The following ELP1 variants were observed in gnomAD, a reference collection of about 807,000 sequenced individuals.
ELP1 encodes the protein elongator acetyltransferase complex subunit 1.
ELP1 carries 131 observed loss-of-function variants against 183.2 expected under a neutral mutation model. That is an observed-to-expected ratio of 0.72 (90% CI 0.62 to 0.83). ELP1 has a LOEUF of 0.83. Among genes scored for constraint, ELP1 ranks in the 40% least tolerant of loss-of-function variants. The pLI, the probability that ELP1 is intolerant of heterozygous loss-of-function variation, is 0.00. For synonymous variants in ELP1, 555 were observed against 569.0 expected, an observed-to-expected ratio of 0.98 and a Z score of 0.35; for missense variants, 1,550 against 1,594.9, an observed-to-expected ratio of 0.97 and a Z score of 0.48.
Position 108,882,148 on chromosome 9 carries a change from C to A in ELP1, c.3262G>T (p.Ala1088Ser), listed in dbSNP as rs763526417. 6 of 1,613,664 alleles carry A rather than the reference C, an allele frequency of 3.7e-6. No individual in the cohort carries two copies. Among genetic ancestry groups the A allele is most frequent in the East Asian group, 2.2e-5 (1 of 44,862 alleles). Reference protein sequence around the residue: ...EAVLLLLEGAAWEEALRLVYK... With the variant: ...EAVLLLLEGASWEEALRLVYK... ...ACCAGCCTCAAAGCTTCTTCCCAGG[C>A]AGCTCCTTCTAACAGCAAGAGCACA... Residue 1088 changes from alanine to serine, a missense_variant, in exon 30 of 37, where the codon GCC (alanine) becomes TCC (serine). By Grantham distance (99) the Ala-to-Ser change is moderately conservative (BLOSUM62 1). Transcript: ENST00000374647.
At chr9:108,922,685 C>A (rs1408777347) in intron 6 of ELP1, among the ~76,000 whole-genome samples, 157 bp downstream of exon 6, 1 of 152,162 alleles carries the variant, frequency 6.6e-6, no homozygotes, top group African/African-American at 2.4e-5. Context: ...AAGGATCTTT[C>A]TAGAGGGATT....
At chr9:108,930,005 C>T in intron 2 of ELP1, 84 bp from the exon 3 acceptor site, 2 of 1,462,752 alleles carry the variant, frequency 1.4e-6, no homozygotes, top group Non-Finnish European at 1.9e-6. Flanking sequence ...CTTTTTAATG[C>T]TTCTTTTATT....
chr9:108,908,366 C>G lies in ELP1; in HGVS notation c.1399G>C (p.Ala467Pro), dbSNP rs1269246218. 3 of 1,614,050 alleles carry G rather than the reference C, an allele frequency of 1.9e-6. No homozygotes were observed. The highest frequency in any genetic ancestry group is 2.5e-6 in the Non-Finnish European group (3 of 1,180,016). ...ACTTTAAATCCACTTCCACCCACAG[C>G]TCCCAGTTTCACTGTAGGGTCAGCA... ...PSADPTVKLG[A>P]VGGSGFKVCL... Residue 467 changes from alanine to proline, a missense_variant, in exon 13 of 37, where the codon GCT becomes CCT. By Grantham distance (27) the Ala-to-Pro change is conservative. Transcript: ENST00000374647.
At chr9:108,933,582 C>A (rs1228019457) in intron 1 of ELP1, among the ~76,000 whole-genome samples, 3 of 152,274 alleles carry the variant, frequency 2.0e-5, no homozygotes, top group Admixed American at 6.5e-5. Context: ...TTAATACTCT[C>A]GCTTTCAGCG....
Position 108,891,207 on chromosome 9 carries a change from C to A in ELP1, c.3156G>T (p.Leu1052=). 1 of 1,614,066 alleles carries A rather than the reference C, an allele frequency of 6.2e-7. No individual in the cohort carries two copies. Among genetic ancestry groups the A allele is most frequent in the Non-Finnish European group, 8.5e-7 (1 of 1,179,976 alleles). The change falls in exon 28 of 37, where the codon CTG becomes CTT. Residue 1052 remains leucine, a synonymous_variant. Transcript: ENST00000374647. ...CATATAAATGATTGTACTTACCTGC[C>A]AGAGTTCTGCCGAGGCCCACCAGCT... The part of the protein sequence containing the change: ...KDQLVGLGRT[L]AGKLVEQRKH...
At chr9:108,922,554 A>G (rs1829682909) in intron 6 of ELP1, among the ~76,000 whole-genome samples, 1 of 152,234 alleles carries the variant, frequency 6.6e-6, no homozygotes, top group African/African-American at 2.4e-5. Flanking sequence ...GGGACGGGAT[A>G]CACAGGGGGT....
intron 2 of ELP1, among the ~76,000 whole-genome samples, chr9:108,930,417 G>A (rs1438862404): frequency 6.6e-6 from 1 of 152,150 alleles, no homozygotes; most frequent in Admixed American, 6.5e-5. Flanking sequence ...GGCAACTTTC[G>A]TGTTCATTCC....
chr9:108,880,142 G>A lies in ELP1; in HGVS notation c.3370C>T (p.Leu1124=). The change falls in exon 32 of 37, where the codon CTG becomes TTG. Residue 1124 remains leucine (L), a synonymous_variant. Transcript: ENST00000374647. ...CTGAATGTGGCTGTCTGAGAGTCCA[G>A]AAATGCCATATAATTTTTCTGGGCT... The part of the protein sequence containing the change: ...LEAQKNYMAF[L]DSQTATFSRH... 6.2e-7 allele frequency: 1 copy of A among 1,613,638 alleles called. No homozygotes were observed. Among genetic ancestry groups the A allele is most frequent in the South Asian group, 1.1e-5 (1 of 91,072 alleles).
intron 35 of ELP1, among the ~76,000 whole-genome samples, chr9:108,877,702 C>A (rs1254867588): frequency 6.6e-6 from 1 of 152,170 alleles, no homozygotes; most frequent in African/African-American, 2.4e-5. Context: ...CATCTCTCCC[C>A]ACTCCAACCT....
At position 108,880,165 on chromosome 9, in the gene ELP1, G is replaced by T; in HGVS notation, c.3347C>A (p.Ala1116Asp). ...CAGAAATGCCATATAATTTTTCTGG[G>T]CTGGAGATGCAGAATGGAAAATAGT... ...ETNVKPSILE[A>D]QKNYMAFLDS... Residue 1116 changes from alanine (A) to aspartate (D), a missense_variant and splice_region_variant, in exon 32 of 37, where the codon GCC becomes GAC. Physicochemically the swap from Ala to Asp is moderately radical, Grantham distance 126. Transcript: ENST00000374647. The T allele has an allele frequency of 6.3e-7, 1 of 1,591,364 alleles. No homozygotes were observed.
chr9:108,878,826 A>G, intron 33 of ELP1, 76 bp from the exon 34 acceptor site: 1 of 1,534,618 alleles, frequency 6.5e-7, no homozygotes, highest in Non-Finnish European at 9.0e-7. Flanking sequence ...TTGCCTGGCT[A>G]CTTTCTTGCA....
At chr9:108,870,088 G>A (rs1231413910) in intron 36 of ELP1, among the ~76,000 whole-genome samples, 1 of 152,002 alleles carries the variant, frequency 6.6e-6, no homozygotes, top group African/African-American at 2.4e-5. Flanking sequence ...CGATTCTCCT[G>A]CCTCAGCCTC....
chr9:108,912,558 G>A, intron 10 of ELP1, 64 bp from the exon 11 acceptor site: 1 of 1,196,698 alleles, frequency 8.4e-7, no homozygotes, highest in Non-Finnish European at 1.2e-6. Flanking sequence ...CCACTTGCCA[G>A]AGGGGTTCAA....
chr9:108,878,193 C>G, intron 34 of ELP1, 44 bp from the exon 35 acceptor site: 1 of 1,540,374 alleles, frequency 6.5e-7, no homozygotes, highest in Non-Finnish European at 9.0e-7. Flanking sequence ...ATATTCCCAG[C>G]TCCATTGACA....
chr9:108,902,735 A>C (rs1360313487), intron 16 of ELP1, 104 bp downstream of exon 16: 8 of 802,522 alleles, frequency 1.0e-5, no homozygotes, highest in Non-Finnish European at 1.8e-5. Context: ...CTAGGCATTT[A>C]GTGGAGACCC....
intron 6 of ELP1, among the ~76,000 whole-genome samples, chr9:108,922,417 G>A (rs1434598948): frequency 6.6e-6 from 1 of 152,000 alleles, no homozygotes; most frequent in East Asian, 1.9e-4. Flanking sequence ...CAGAAGTAAG[G>A]AAAACAAAGA....
intron 3 of ELP1, among the ~76,000 whole-genome samples, chr9:108,928,101 T>C (rs1829876488): frequency 6.6e-6 from 1 of 152,260 alleles, no homozygotes; most frequent in Non-Finnish European, 1.5e-5. Context: ...ATGATGTGGT[T>C]ATTTTGCACT....
At chr9:108,872,832 A>G (rs1472313525) in intron 36 of ELP1, among the ~76,000 whole-genome samples, 1 of 144,084 alleles carries the variant, frequency 6.9e-6, no homozygotes, top group Non-Finnish European at 1.5e-5. Context: ...AAAAAAAAAA[A>G]AAAAAAACTA....
chr9:108,906,300 T>A lies in ELP1; in HGVS notation c.1643+3A>T. ...TGTGGAGTACAGGGAAAAACTGCAA[T>A]ACCTGACATTGAGCTGTCCATGCTC... On this transcript the variant is annotated splice_donor_region_variant and intron_variant, in intron 14 of 36. Transcript: ENST00000374647. The A allele has an allele frequency of 6.2e-7, 1 of 1,613,808 alleles. No individual in the cohort carries two copies. The highest frequency in any genetic ancestry group is 8.5e-7 in the Non-Finnish European group (1 of 1,179,752).
Sources: allele counts gnomAD v4.1 joint callset (sites outside exome capture counted in the v4.1 genomes callset), GRCh38; gene constraint gnomAD v4.1.1; transcripts MANE v1.5; gene names NCBI Gene and HGNC (gene_info 2026-07-23, HGNC 2026-07-21).